Variants in EVC2 observed in about 807,000 individuals in gnomAD.
EVC2 encodes the protein limbin.
In EVC2, 148 loss-of-function variants were observed where a neutral mutation model predicts 149.3. The ratio of observed to expected loss-of-function variants is 0.99; its 90% CI spans 0.87 to 1.14. The LOEUF is 1.14. Ranked by LOEUF, EVC2 falls within the 50% of genes most tolerant of loss-of-function variation. The pLI, the probability that EVC2 is intolerant of heterozygous loss-of-function variation, is 0.00. For synonymous variants in EVC2, 776 were observed against 649.9 expected (o/e 1.19, Z -2.95); for missense variants, 1,854 against 1,627.3 (o/e 1.14, Z -2.40).
At chr4:5,552,921 T>C (rs1721768966) in intron 21 of EVC2, among the ~76,000 whole-genome samples, 1 of 152,216 alleles carries the variant, frequency 6.6e-6, no homozygotes, top group Admixed American at 6.5e-5. Flanking sequence ...AGAGGCACGA[T>C]ACAGTAGTTC....
intron 16 of EVC2, among the ~76,000 whole-genome samples, 169 bp from the exon 17 acceptor site, chr4:5,585,019 C>G (rs1380602973): frequency 2.6e-5 from 4 of 152,132 alleles, no homozygotes; most frequent in Admixed American, 6.5e-5. Context: ...AAAAGGCTGT[C>G]CCTGCGTATG....
chr4:5,576,743 G>C lies in EVC2; in HGVS notation c.3058-289C>G, dbSNP rs967300488. 3.3e-5 allele frequency among the ~76,000 whole-genome samples: 5 copies of C among 152,164 alleles called. No individual in the cohort carries two copies. The highest frequency in any genetic ancestry group is 1.2e-4 in the African/African-American group (5 of 41,440). On this transcript the variant is annotated intron_variant, in intron 17 of 21. Coordinates refer to ENST00000344408, the MANE Select transcript of EVC2 (RefSeq NM_147127.5). This position sits in a 1 kb window ranked among gnomAD's most constrained non-coding sequence, Gnocchi z 4.5. Reference sequence around the variant, plus strand: ...CCTCCGCTTAAGAAGAAACTCCTTGGTGAAGGGCTCCTCAGCGAAAGGATC... The same window carrying C: ...CCTCCGCTTAAGAAGAAACTCCTTGCTGAAGGGCTCCTCAGCGAAAGGATC...
intron 21 of EVC2, among the ~76,000 whole-genome samples, chr4:5,545,577 G>T (rs1162728796): frequency 6.6e-6 from 1 of 152,204 alleles, no homozygotes; most frequent in Non-Finnish European, 1.5e-5. Flanking sequence ...GAAGAGGCTG[G>T]ACCATCTCTG....
intron 9 of EVC2, among the ~76,000 whole-genome samples, chr4:5,658,782 G>T (rs1261398436): frequency 6.6e-6 from 1 of 152,202 alleles, no homozygotes; most frequent in Admixed American, 6.5e-5. Context: ...CAGCTTCCTG[G>T]TCTAAAACGA....
In EVC2 at chr4:5,565,313, C is replaced by G. The variant is rs752599166; in HGVS notation, c.3604G>C (p.Asp1202His). Residue 1202 changes from aspartate (D) to histidine (H), a missense_variant, in exon 21 of 22, where the codon GAT (aspartate) becomes CAT (histidine). Coordinates refer to ENST00000344408, the MANE Select transcript of EVC2 (RefSeq NM_147127.5). ...WQALDGKLRG[D>H]LISRGLEKML... ...TTTTCTAATCCTCTGCTTATCAGAT[C>G]TCCTCGCAGTTTGCCATCTAAGGCT... The G allele has an allele frequency of 5.6e-6, 9 of 1,614,114 alleles. No individual in the cohort carries two copies. The South Asian group carries it at 9.9e-5, about 18-fold the overall frequency.
At chr4:5,678,636 C>T (rs1365235683) in intron 7 of EVC2, among the ~76,000 whole-genome samples, 3 of 152,184 alleles carry the variant, frequency 2.0e-5, no homozygotes, top group Non-Finnish European at 4.4e-5. Context: ...CACACCTAAG[C>T]TCTACGGTAT....
Position 5,623,042 on chromosome 4 carries a change from G to A in EVC2, c.2047-51C>T, listed in dbSNP as rs1226819103. 4.5e-6 allele frequency: 7 copies of A among 1,563,102 alleles called. No homozygotes were observed. In the South Asian group the frequency reaches 6.7e-5, roughly 15 times the overall value. ...GTGGGGGTGGGGCTTGGCGGGTACA[G>A]TCCTTTGGCTGAAACACTTTGTTGC... is the stretch of plus-strand genomic sequence containing the variant. On this transcript the variant is annotated intron_variant, in intron 13 of 21. Coordinates refer to ENST00000344408, the MANE Select transcript of EVC2 (RefSeq NM_147127.5).
At position 5,677,851 on chromosome 4, in the gene EVC2, T is replaced by C. The variant is rs1038830700; in HGVS notation, c.870+3409A>G. The stretch of plus-strand genomic sequence containing the variant: ...AGACCACCAGAAGACTGGTTACCAG[T>C]GCACCCGACAGCCTCACTAAACTGA... On this transcript the variant is annotated intron_variant, in intron 7 of 21. Coordinates refer to ENST00000344408, the MANE Select transcript of EVC2 (RefSeq NM_147127.5). This position sits in a 1 kb window ranked among gnomAD's most constrained non-coding sequence, Gnocchi z 4.3. Among the ~76,000 whole-genome samples the C allele has an allele frequency of 6.6e-6, 1 of 152,202 alleles. No individual in the cohort carries two copies. Among genetic ancestry groups the C allele is most frequent in the African/African-American group, 2.4e-5 (1 of 41,466 alleles).
At chr4:5,558,643 C>T (rs6857684), downstream of EVC2, among the ~76,000 whole-genome samples, 11,854 of 152,170 alleles carry the variant, frequency 0.078, 791 homozygotes, top group African/African-American at 0.17. Flanking sequence ...AATAATCTAA[C>T]TGCATTTCAA....
intron 16 of EVC2, among the ~76,000 whole-genome samples, chr4:5,609,050 G>A (rs1714619783): frequency 6.6e-6 from 1 of 152,070 alleles, no homozygotes; most frequent in African/African-American, 2.4e-5. Flanking sequence ...TACACCAGCA[G>A]CTCCCCTAGT....
chr4:5,543,747 G>A (rs1412750015), intron 21 of EVC2, among the ~76,000 whole-genome samples: 1 of 152,162 alleles, frequency 6.6e-6, no homozygotes, highest in Non-Finnish European at 1.5e-5. Flanking sequence ...GGGAACCGGA[G>A]AGGGAAATGG....
At chr4:5,621,546 C>T (rs1715688990) in intron 14 of EVC2, among the ~76,000 whole-genome samples, 1 of 152,194 alleles carries the variant, frequency 6.6e-6, no homozygotes, top group Non-Finnish European at 1.5e-5. Flanking sequence ...CAATCTGTTG[C>T]CAGCCCCAAA....
intron 14 of EVC2, among the ~76,000 whole-genome samples, chr4:5,619,313 G>C (rs1715508790): frequency 6.6e-6 from 1 of 152,196 alleles, no homozygotes; most frequent in Non-Finnish European, 1.5e-5. Context: ...AGTGAGCTAA[G>C]ATGAGGCCAT....
At chr4:5,668,690 T>C (rs1390885954) in intron 7 of EVC2, among the ~76,000 whole-genome samples, 1 of 152,240 alleles carries the variant, frequency 6.6e-6, no homozygotes, top group Non-Finnish European at 1.5e-5. Flanking sequence ...AGATTTTTAA[T>C]CCCCTTTATC....
chr4:5,706,020 G>A (rs555850456), intron 1 of EVC2, among the ~76,000 whole-genome samples: 1 of 152,220 alleles, frequency 6.6e-6, no homozygotes, highest in South Asian at 2.1e-4. Flanking sequence ...CCCAGCATCA[G>A]GGGGCCAGAG....
rs912426062 is a variant in EVC2 at position 5,567,538 on chromosome 4, T to C, written c.3557+906A>G. Among the ~76,000 whole-genome samples, 1 of 152,076 alleles carries C rather than the reference T, an allele frequency of 6.6e-6. No individual in the cohort carries two copies. The highest frequency in any genetic ancestry group is 2.4e-5 in the African/African-American group (1 of 41,412). The stretch of plus-strand genomic sequence containing the variant: ...GCAATGTTTTCATCCTGGCCATGGC[T>C]TTCCTTGCAGCCTCATTCCCCACCT... On this transcript the variant is annotated intron_variant, in intron 20 of 21. Transcript: ENST00000344408. The surrounding 1 kb of genome is among the most constrained non-coding windows in gnomAD (Gnocchi z 4.4).
chr4:5,648,814 AG>A (rs1282716611), intron 9 of EVC2, among the ~76,000 whole-genome samples: 1 of 152,182 alleles, frequency 6.6e-6, no homozygotes, highest in East Asian at 1.9e-4. Context: ...AAAAACTGTC[AG>A]GGTGTTCCAA....
In EVC2 at chr4:5,592,927, T is replaced by A. The variant is rs555853829; in HGVS notation, c.2830-8077A>T. 7.9e-5 allele frequency among the ~76,000 whole-genome samples: 12 copies of A among 152,300 alleles called. No homozygotes were observed. In the South Asian group the frequency reaches 2.1e-3, roughly 26 times the overall value. ...AATTGTAGTTCTCATAATCCCCACC[T>A]GTCATAGGAGGTAACTGAATCATGG... is the stretch of plus-strand genomic sequence containing the variant. On this transcript the variant is annotated intron_variant, in intron 16 of 21. Coordinates refer to ENST00000344408, the MANE Select transcript of EVC2 (RefSeq NM_147127.5).
intron 16 of EVC2, among the ~76,000 whole-genome samples, chr4:5,604,619 T>C (rs1284751543): frequency 2.6e-5 from 4 of 152,070 alleles, no homozygotes; most frequent in Admixed American, 6.6e-5. Flanking sequence ...AAATAAGACA[T>C]AGTGTTCAAC....
Sources: allele counts gnomAD v4.1 joint callset (sites outside exome capture counted in the v4.1 genomes callset), GRCh38; gene constraint gnomAD v4.1.1; non-coding constraint Gnocchi (gnomAD v3.1); transcripts MANE v1.5; gene names NCBI Gene and HGNC (gene_info 2026-07-23, HGNC 2026-07-21).